Variants in EYS observed in about 807,000 individuals in gnomAD.
EYS encodes the protein EGF-like photoreceptor maintenance factor, also known as protein eyes shut homolog.
Under a neutral mutation model 282.1 loss-of-function variants are expected in EYS, and 250 were observed. The ratio of observed to expected loss-of-function variants is 0.89; its 90% confidence interval spans 0.80 to 0.98. The LOEUF is 0.98. EYS is among the 50% of genes least tolerant of loss of function. The pLI, the probability that EYS is intolerant of heterozygous loss-of-function variation, is 0.00. For missense variants in EYS, 4,016 were observed against 3,709.0 expected, an observed-to-expected ratio of 1.08 and a Z score of -2.15; for synonymous variants, 1,355 against 1,282.9, an observed-to-expected ratio of 1.06 and a Z score of -1.20.
Position 65,074,015 on chromosome 6 carries a change from G to A in EYS, c.2024-16288C>T, listed in dbSNP as rs574032065. On this transcript the variant is annotated intron_variant, in intron 12 of 42. Transcript: ENST00000503581. ...CACATGGAAGATGTTTAGGGGTGAA[G>A]TTCGACTTCTTCCCCTAGGTGGTAG... Among the ~76,000 whole-genome samples, 32 of 152,136 alleles carry A rather than the reference G, an allele frequency of 2.1e-4. No individual in the cohort carries two copies. The South Asian group carries it at 5.8e-3, about 28-fold the overall frequency.
chr6:65,328,263 C>G (rs557990462), intron 11 of EYS, among the ~76,000 whole-genome samples: 1 of 151,516 alleles, frequency 6.6e-6, no homozygotes, highest in South Asian at 2.1e-4. Flanking sequence ...CTCTAGAAGA[C>G]AAAATACTCT....
At chr6:65,030,379 C>T (rs1772559319) in intron 13 of EYS, among the ~76,000 whole-genome samples, 1 of 152,094 alleles carries the variant, frequency 6.6e-6, no homozygotes, top group Admixed American at 6.6e-5. Context: ...CCAGCATGCA[C>T]CCAACTACGC....
At chr6:65,228,456 T>A (rs902470097) in intron 12 of EYS, among the ~76,000 whole-genome samples, 4 of 152,082 alleles carry the variant, frequency 2.6e-5, no homozygotes, top group Non-Finnish European at 5.9e-5. Flanking sequence ...AATTAAAGAA[T>A]ATCTAAATAA....
At chr6:65,204,905 GTATTTATATATT>G (rs1381972588) in intron 12 of EYS, among the ~76,000 whole-genome samples, 4,552 of 101,010 alleles carry the variant, frequency 0.045, 404 homozygotes, top group African/African-American at 0.11. Context: ...CTGGAAGAAT[GTATTTATATATT>G]CTTTATATAT....
intron 19 of EYS, among the ~76,000 whole-genome samples, chr6:64,854,016 C>T (rs1765969340): frequency 1.3e-5 from 2 of 151,922 alleles, no homozygotes; most frequent in Non-Finnish European, 2.9e-5. Flanking sequence ...TCATCACTGG[C>T]CATCAGAGAA....
intron 22 of EYS, among the ~76,000 whole-genome samples, chr6:64,770,838 C>T (rs1773503322): frequency 2.0e-5 from 3 of 151,692 alleles, no homozygotes; most frequent in Admixed American, 1.3e-4. Context: ...CATTAGAGCC[C>T]GTCTTTGTAG....
At chr6:63,799,381 T>G (rs1770729330) in intron 37 of EYS, among the ~76,000 whole-genome samples, 1 of 152,130 alleles carries the variant, frequency 6.6e-6, no homozygotes, top group African/African-American at 2.4e-5. Context: ...TTAACTTATA[T>G]TTCAATGATT....
intron 22 of EYS, among the ~76,000 whole-genome samples, chr6:64,724,391 T>A (rs1771685351): frequency 1.3e-5 from 2 of 152,330 alleles, no homozygotes; most frequent in South Asian, 4.1e-4. Flanking sequence ...GTTAAATCAC[T>A]AATGTAGATT....
At chr6:64,716,535 T>C (rs936629495) in intron 22 of EYS, among the ~76,000 whole-genome samples, 1 of 152,224 alleles carries the variant, frequency 6.6e-6, no homozygotes, top group African/African-American at 2.4e-5. Context: ...CACCAATTTG[T>C]CTACTTATGG....
intron 14 of EYS, 104 bp from the exon 15 acceptor site, chr6:64,946,018 T>C: frequency 1.1e-6 from 1 of 952,338 alleles, no homozygotes; most frequent in East Asian, 2.8e-5. Context: ...AATTTATAAT[T>C]TTTTTAGTTT....
intron 2 of EYS, among the ~76,000 whole-genome samples, chr6:65,569,024 C>G (rs565778738): frequency 6.6e-6 from 1 of 152,260 alleles, no homozygotes; most frequent in African/African-American, 2.4e-5. Flanking sequence ...AACTGTCAGG[C>G]CTCTGAGCCC....
intron 13 of EYS, among the ~76,000 whole-genome samples, chr6:65,031,362 T>A (rs1459310098): frequency 6.6e-6 from 1 of 151,896 alleles, no homozygotes; most frequent in South Asian, 2.1e-4. Flanking sequence ...ACCTGAACTC[T>A]ACACTTGGAC....
chr6:63,837,908 T>G (rs1388380198), intron 36 of EYS, among the ~76,000 whole-genome samples: 1 of 152,190 alleles, frequency 6.6e-6, no homozygotes, highest in African/African-American at 2.4e-5. Context: ...GAAGAGTTTA[T>G]CAGTGAAGGC....
chr6:64,184,283 A>C (rs893216107), intron 31 of EYS, among the ~76,000 whole-genome samples: 1 of 152,184 alleles, frequency 6.6e-6, no homozygotes, highest in African/African-American at 2.4e-5. Context: ...AGACTTGATT[A>C]AATACTACAT....
At chr6:65,343,028 A>G (rs1770256281) in intron 10 of EYS, among the ~76,000 whole-genome samples, 2 of 151,164 alleles carry the variant, frequency 1.3e-5, no homozygotes, top group Admixed American at 6.6e-5. Flanking sequence ...ATAGTGATGT[A>G]TATGTGATTG....
chr6:64,181,741 A>C (rs1764793740), intron 31 of EYS, among the ~76,000 whole-genome samples: 1 of 152,162 alleles, frequency 6.6e-6, no homozygotes, highest in African/African-American at 2.4e-5. Flanking sequence ...CAGGATTAAA[A>C]AAGCAATTAC....
chr6:65,102,737 A>C (rs547334300), intron 12 of EYS, among the ~76,000 whole-genome samples: 2 of 151,410 alleles, frequency 1.3e-5, no homozygotes, highest in Admixed American at 1.3e-4. Flanking sequence ...ATATCATGAC[A>C]GCTTTTCAGG....
At chr6:64,065,453 G>A (rs546721146) in intron 33 of EYS, among the ~76,000 whole-genome samples, 1 of 152,186 alleles carries the variant, frequency 6.6e-6, no homozygotes, top group East Asian at 1.9e-4. Context: ...GTTTAGTAAT[G>A]CCCCTGAGAT....
intron 12 of EYS, among the ~76,000 whole-genome samples, chr6:65,203,270 G>C (rs149994561): frequency 3.3e-5 from 5 of 152,166 alleles, no homozygotes; most frequent in African/African-American, 1.2e-4. Context: ...CCTACTTGCT[G>C]GTAGGGTGAG....
Sources: gnomAD v4.1 joint callset for allele counts (sites outside exome capture counted in the v4.1 genomes callset) on GRCh38, gnomAD v4.1.1 for gene constraint, MANE v1.5 for transcripts, NCBI Gene and HGNC (gene_info 2026-07-23, HGNC 2026-07-21) for gene names.